Variants in PLCB1 observed in about 807,000 individuals in gnomAD.
The protein encoded by PLCB1 is phospholipase C beta 1.
A neutral mutation model predicts 161.8 loss-of-function variants in PLCB1; 46 were observed. The ratio of observed to expected loss-of-function variants is 0.28; its 90% CI spans 0.22 to 0.36. The LOEUF (loss-of-function observed/expected upper bound fraction) is 0.36. PLCB1 is among the 10% of genes least tolerant of loss of function. The pLI is 1.00. For missense variants in PLCB1, 1,016 were observed against 1,472.5 expected, an observed-to-expected ratio of 0.69 and a Z score of 5.07; for synonymous variants, 517 against 503.7, an observed-to-expected ratio of 1.03 and a Z score of -0.35.
intron 3 of PLCB1, among the ~76,000 whole-genome samples, chr20:8,570,404 G>A (rs1323737533): frequency 1.3e-5 from 2 of 152,100 alleles, no homozygotes; most frequent in Non-Finnish European, 2.9e-5. Context: ...ATATATATAG[G>A]TATATATGTC....
In PLCB1 at chr20:8,884,111, T is replaced by C. The variant is rs1188596401; in HGVS notation, c.*2262T>C. 6.6e-6 allele frequency: 1 copy of C among 152,414 alleles called. No individual in the cohort carries two copies. The allele number at this position is 152,414 out of a possible 1,614,324, so 9.4% of individuals were successfully genotyped here. A position where few individuals can be genotyped will look rare whatever the true frequency, so the allele number is the denominator to read the frequency against. ...ATTATCTTAGTGAATTTAGTCATTTTACAATATGTTTGTATTTGGCCATTT... is the reference window on the plus strand; with the variant it reads ...ATTATCTTAGTGAATTTAGTCATTTCACAATATGTTTGTATTTGGCCATTT... On this transcript the variant is annotated 3_prime_UTR_variant, in exon 32 of 32. Coordinates refer to ENST00000338037, the MANE Select transcript of PLCB1 (RefSeq NM_015192.4).
At chr20:8,263,636 A>T (rs548590993) in intron 2 of PLCB1, among the ~76,000 whole-genome samples, 3 of 152,318 alleles carry the variant, frequency 2.0e-5, no homozygotes, top group African/African-American at 7.2e-5. Flanking sequence ...GGCATAGCTT[A>T]TTGCTCCTAG....
At chr20:8,797,625 T>G (rs901518573) in intron 31 of PLCB1, among the ~76,000 whole-genome samples, 1 of 152,234 alleles carries the variant, frequency 6.6e-6, no homozygotes, top group African/African-American at 2.4e-5. Context: ...TATTTCCAGA[T>G]GTTCTATTTG....
At chr20:8,783,927 G>C (rs987077588) in intron 27 of PLCB1, among the ~76,000 whole-genome samples, 1 of 152,150 alleles carries the variant, frequency 6.6e-6, no homozygotes, top group Non-Finnish European at 1.5e-5. Context: ...GCCAAGAGAT[G>C]GGGGGTAAAA....
chr20:8,221,567 T>C (rs1048633307), intron 2 of PLCB1, among the ~76,000 whole-genome samples: 1 of 152,140 alleles, frequency 6.6e-6, no homozygotes, highest in Non-Finnish European at 1.5e-5. Flanking sequence ...TCTTTGCCAG[T>C]GTGTTTAATT....
chr20:8,613,316 G>A (rs1377307870), intron 3 of PLCB1, among the ~76,000 whole-genome samples: 1 of 152,154 alleles, frequency 6.6e-6, no homozygotes, highest in African/African-American at 2.4e-5. Flanking sequence ...TCAGGTATTA[G>A]AGCATAACAA....
intron 2 of PLCB1, among the ~76,000 whole-genome samples, chr20:8,283,578 T>C (rs776523598): frequency 3.1e-4 from 47 of 151,054 alleles, no homozygotes; most frequent in Non-Finnish European, 6.5e-4. Context: ...AATCAATAAA[T>C]AAAATAAAAA....
At chr20:8,744,193 G>A (rs1446086883) in intron 23 of PLCB1, among the ~76,000 whole-genome samples, 1 of 151,932 alleles carries the variant, frequency 6.6e-6, no homozygotes, top group African/African-American at 2.4e-5. Context: ...AAACAGAAAT[G>A]TCCTTTTTCA....
At chr20:8,319,526 G>T (rs1288665624) in intron 2 of PLCB1, among the ~76,000 whole-genome samples, 1 of 145,950 alleles carries the variant, frequency 6.9e-6, no homozygotes, top group Non-Finnish European at 1.5e-5. Context: ...TCTTGGCAAA[G>T]AAAAAAAAAA....
At chr20:8,768,968 A>G (rs1982524704) in intron 26 of PLCB1, among the ~76,000 whole-genome samples, 2 of 152,210 alleles carry the variant, frequency 1.3e-5, no homozygotes, top group South Asian at 2.1e-4. Flanking sequence ...GGTATATAGT[A>G]TGAACTTCTT....
chr20:8,469,630 G>C (rs1287106675), intron 3 of PLCB1, among the ~76,000 whole-genome samples: 1 of 152,068 alleles, frequency 6.6e-6, no homozygotes, highest in Non-Finnish European at 1.5e-5. Context: ...TTGAAGAAAA[G>C]AGAGAAAACA....
chr20:8,426,979 G>A (rs993266395), intron 3 of PLCB1, among the ~76,000 whole-genome samples: 4 of 152,160 alleles, frequency 2.6e-5, no homozygotes, highest in East Asian at 1.9e-4. Context: ...GTGCAGTGTC[G>A]TGATCTCAGC....
At chr20:8,682,613 T>C (rs1483970495) in intron 9 of PLCB1, among the ~76,000 whole-genome samples, 1 of 152,204 alleles carries the variant, frequency 6.6e-6, no homozygotes, top group Non-Finnish European at 1.5e-5. Context: ...TTTACTGTGG[T>C]AAATAATCAG....
chr20:8,387,812 G>A (rs914503352), intron 3 of PLCB1, among the ~76,000 whole-genome samples: 1 of 152,070 alleles, frequency 6.6e-6, no homozygotes, highest in East Asian at 1.9e-4. Flanking sequence ...GGAGAAAATG[G>A]GGAGTTATTG....
At chr20:8,539,383 C>A (rs1402368251) in intron 3 of PLCB1, among the ~76,000 whole-genome samples, 1 of 152,138 alleles carries the variant, frequency 6.6e-6, no homozygotes, top group African/African-American at 2.4e-5. Flanking sequence ...ATTTTCCCAA[C>A]CTGAACATAT....
At chr20:8,813,008 T>C (rs960881626) in intron 31 of PLCB1, among the ~76,000 whole-genome samples, 3 of 152,190 alleles carry the variant, frequency 2.0e-5, no homozygotes, top group African/African-American at 7.2e-5. Context: ...TGGTAGGCAG[T>C]GCCAGCTACT....
chr20:8,714,944 TAAA>T (rs11476867), intron 12 of PLCB1, among the ~76,000 whole-genome samples: 1 of 147,228 alleles, frequency 6.8e-6, no homozygotes, highest in Non-Finnish European at 1.5e-5. Flanking sequence ...CTAACCCCAG[TAAA>T]AAAAAAAAAA....
intron 2 of PLCB1, among the ~76,000 whole-genome samples, chr20:8,193,513 A>T (rs538198302): frequency 1.7e-4 from 26 of 152,138 alleles, no homozygotes; most frequent in African/African-American, 6.0e-4. Flanking sequence ...ACATTTGCAT[A>T]TATTTGCATA....
intron 2 of PLCB1, among the ~76,000 whole-genome samples, chr20:8,212,453 A>G (rs1343499131): frequency 1.3e-5 from 2 of 152,118 alleles, no homozygotes; most frequent in African/African-American, 2.4e-5. Context: ...TAAGATTCTG[A>G]CAGGAGACTT....
Sources: allele counts gnomAD v4.1 joint callset (sites outside exome capture counted in the v4.1 genomes callset), GRCh38; gene constraint gnomAD v4.1.1; transcripts MANE v1.5; gene names NCBI Gene and HGNC (gene_info 2026-07-23, HGNC 2026-07-21).